SPNS2: variants seen among roughly 807,000 people sequenced by gnomAD.
SPNS2 encodes sphingosine-1-phosphate transporter SPNS2.
SPNS2 carries 37 observed loss-of-function variants against 57.6 expected under a neutral mutation model. That is an observed-to-expected ratio of 0.64 (90% CI 0.49 to 0.85). The LOEUF (loss-of-function observed/expected upper bound fraction) is 0.85. Among genes scored for constraint, SPNS2 ranks in the 40% least tolerant of loss-of-function variants. The pLI, the probability that SPNS2 is intolerant of heterozygous loss-of-function variation, is 0.00. For missense variants in SPNS2, 831 were observed against 779.1 expected, an observed-to-expected ratio of 1.07 and a Z score of -0.79; for synonymous variants, 440 against 346.9, an observed-to-expected ratio of 1.27 and a Z score of -2.98.
intron 1 of SPNS2, among the ~76,000 whole-genome samples, chr17:4,508,998 G>A (rs1597359487): frequency 6.6e-6 from 1 of 152,198 alleles, no homozygotes; most frequent in East Asian, 1.9e-4. Context: ...AGGGGCTGGA[G>A]GCAGGGAGTC....
intron 11 of SPNS2, 39 bp downstream of exon 11, chr17:4,536,465 G>C: frequency 6.4e-7 from 1 of 1,574,360 alleles, no homozygotes. Flanking sequence ...GCACCGCCGG[G>C]AAGCAGGGAC....
intron 2 of SPNS2, among the ~76,000 whole-genome samples, chr17:4,516,196 C>A (rs1443189658): frequency 6.6e-6 from 1 of 151,976 alleles, no homozygotes; most frequent in South Asian, 2.1e-4. Context: ...TGCCTGTAAT[C>A]CCAGCTACTC....
At position 4,525,043 on chromosome 17, in the gene SPNS2, T is replaced by C. The variant is rs1445095974; in HGVS notation, c.437-14T>C. ...GGGACCTGGGCCCCCCCTCAAGCTC[T>C]CCTCTCCCTGCAGTGTTCATCTGTA... On this transcript the variant is annotated splice_polypyrimidine_tract_variant and intron_variant, in intron 2 of 12. Coordinates refer to ENST00000329078, the MANE Select transcript of SPNS2 (RefSeq NM_001124758.3). 1 of 1,611,642 alleles carries C rather than the reference T, an allele frequency of 6.2e-7. No homozygotes were observed. The highest frequency in any genetic ancestry group is 8.5e-7 in the Non-Finnish European group (1 of 1,178,014).
rs555154282 is a variant in SPNS2 at position 4,504,210 on chromosome 17, C to T, written c.370+4793C>T. Among the ~76,000 whole-genome samples, 13 of 152,292 alleles carry T rather than the reference C, an allele frequency of 8.5e-5. No homozygotes were observed. The East Asian group carries it at 1.9e-3, about 23-fold the overall frequency. ...TGTCCTGGCCACTGCCACATCTGCA[C>T]CGTGGAGAAACCCCAGCTGAGGTGT... is the stretch of plus-strand genomic sequence containing the variant. On this transcript the variant is annotated intron_variant, in intron 1 of 12. Coordinates refer to ENST00000329078, the MANE Select transcript of SPNS2 (RefSeq NM_001124758.3).
At chr17:4,514,872 A>T (rs1258480726) in intron 2 of SPNS2, among the ~76,000 whole-genome samples, 3 of 152,182 alleles carry the variant, frequency 2.0e-5, no homozygotes, top group Non-Finnish European at 4.4e-5. Flanking sequence ...GGGTGGGAGA[A>T]GGCCTAGCTG....
At position 4,499,373 on chromosome 17, in the gene SPNS2, G is replaced by T. The variant is rs777152517; in HGVS notation, c.326G>T (p.Ser109Ile). 7.1e-7 allele frequency: 1 copy of T among 1,413,152 alleles called. No individual in the cohort carries two copies. The highest frequency in any genetic ancestry group is 9.2e-7 in the Non-Finnish European group (1 of 1,087,244). 87.5% of individuals were successfully genotyped at this position (1,413,152 alleles called of 1,614,324 possible). ...RGRGAAAAIL[S>I]LGNVLNYLDR... ...CGGGGGGCAGCCGCCGCCATCCTCA[G>T]CTTGGGCAACGTGCTCAACTACCTG... Residue 109 changes from serine to isoleucine, a missense_variant, in exon 1 of 13, where the codon AGC becomes ATC. By Grantham distance (142) the Ser-to-Ile change is moderately radical. Around this residue, in one of 2 missense-constraint regions of SPNS2, gnomAD observed 305 missense variants for 378.3 expected, o/e 0.81. Coordinates refer to ENST00000329078, the MANE Select transcript of SPNS2 (RefSeq NM_001124758.3). The surrounding 1 kb of genome is among the most constrained non-coding windows in gnomAD (Gnocchi z 5.2).
In SPNS2 at chr17:4,537,643, T is replaced by G. The variant is rs541083589; in HGVS notation, c.*195T>G. ...TGTGTCCTCAGTTACCCTGGAAGGA[T>G]GTGTGTGTTGGAGCCACACGGTTGG... On this transcript the variant is annotated 3_prime_UTR_variant, in exon 13 of 13. Coordinates refer to ENST00000329078, the MANE Select transcript of SPNS2 (RefSeq NM_001124758.3). 75 of 456,664 alleles carry G rather than the reference T, an allele frequency of 1.6e-4. No individual in the cohort carries two copies. Among genetic ancestry groups the G allele is most frequent in the African/African-American group, 1.4e-3 (70 of 50,192 alleles). The allele number at this position is 456,664 out of a possible 1,614,324, so 28.3% of individuals were successfully genotyped here.
intron 3 of SPNS2, among the ~76,000 whole-genome samples, chr17:4,526,228 G>A (rs1474980620): frequency 1.3e-5 from 2 of 152,238 alleles, no homozygotes; most frequent in African/African-American, 4.8e-5. Context: ...AGGCAGGACT[G>A]TGAGATCAGG....
chr17:4,513,423 G>A, intron 2 of SPNS2, 111 bp downstream of exon 2: 8 of 1,157,958 alleles, frequency 6.9e-6, no homozygotes, highest in Non-Finnish European at 1.0e-5. Flanking sequence ...CTGACTCCTG[G>A]AAAGAGAGTG....
Position 4,538,970 on chromosome 17 carries a change from C to G in SPNS2, c.*1522C>G, listed in dbSNP as rs768370012. The G allele has an allele frequency of 4.4e-5, 35 of 790,596 alleles. No individual in the cohort carries two copies. The highest frequency in any genetic ancestry group is 8.2e-5 in the Non-Finnish European group (35 of 426,966). The allele number at this position is 790,596 out of a possible 1,614,324, so 49.0% of individuals were successfully genotyped here. ...TTTTAGAGCTGCTGATTGTGAATCT[C>G]AGAGTCTTAAGAGAGAAGCCAAATA... On this transcript the variant is annotated 3_prime_UTR_variant, in exon 13 of 13. Transcript: ENST00000329078.
intron 9 of SPNS2, 22 bp from the exon 10 acceptor site, chr17:4,536,054 G>C (rs1905770898): frequency 1.2e-6 from 2 of 1,603,776 alleles, no homozygotes; most frequent in East Asian, 2.2e-5. Flanking sequence ...TCTGGCCGCT[G>C]ACCTGCCCGC....
chr17:4,502,200 A>C (rs1045262037), intron 1 of SPNS2, among the ~76,000 whole-genome samples: 1 of 150,816 alleles, frequency 6.6e-6, no homozygotes, highest in African/African-American at 2.4e-5. Context: ...ACATGGTGAA[A>C]CCCCCCATCT....
chr17:4,534,882 A>G lies in SPNS2; in HGVS notation c.1344+1029A>G, dbSNP rs115404296. ...GACCCCCTCTCCTGCCTCCACCCCCAGGGAGCGCCTGACAGCTGCCGGCAG... is the reference window on the plus strand; with the variant it reads ...GACCCCCTCTCCTGCCTCCACCCCCGGGGAGCGCCTGACAGCTGCCGGCAG... On this transcript the variant is annotated intron_variant, in intron 9 of 12. Transcript: ENST00000329078. 8.4e-3 allele frequency among the ~76,000 whole-genome samples: 1,283 copies of G among 152,164 alleles called. 16 individuals are homozygous for G. Among genetic ancestry groups the G allele is most frequent in the African/African-American group, 0.03 (1,227 of 41,512 alleles).
At chr17:4,514,597 C>T (rs569533387) in intron 2 of SPNS2, among the ~76,000 whole-genome samples, 4 of 152,292 alleles carry the variant, frequency 2.6e-5, no homozygotes, top group African/African-American at 7.2e-5. Context: ...GGGGCAGGGC[C>T]GTGCGGTCCA....
At chr17:4,501,093 A>T (rs993707906) in intron 1 of SPNS2, among the ~76,000 whole-genome samples, 1 of 152,212 alleles carries the variant, frequency 6.6e-6, no homozygotes, top group Non-Finnish European at 1.5e-5. Context: ...TAGGGGGACC[A>T]ATGTCCCTGT....
chr17:4,503,701 C>A (rs759124683), intron 1 of SPNS2, among the ~76,000 whole-genome samples: 5 of 152,258 alleles, frequency 3.3e-5, no homozygotes, highest in Admixed American at 6.5e-5. Context: ...GACCTATTTT[C>A]TTTCCCTTTG....
intron 8 of SPNS2, 55 bp from the exon 9 acceptor site, chr17:4,533,731 CTG>C (rs1261504083): frequency 8.8e-6 from 14 of 1,588,398 alleles, no homozygotes; most frequent in African/African-American, 2.7e-5. Context: ...GGAACAGAGA[CTG>C]TGGTTGCTGC....
intron 1 of SPNS2, among the ~76,000 whole-genome samples, chr17:4,508,866 A>G (rs1034286193): frequency 1.3e-5 from 2 of 152,130 alleles, no homozygotes; most frequent in African/African-American, 4.8e-5. Context: ...CCACAGCGTT[A>G]GCTCCTTGAG....
chr17:4,503,997 T>TTTC (rs1555535367), intron 1 of SPNS2, among the ~76,000 whole-genome samples: 1 of 150,590 alleles, frequency 6.6e-6, no homozygotes, highest in Non-Finnish European at 1.5e-5. Flanking sequence ...TTTTTTTTTT[T>TTTC]GGTCTGTCCT....
Sources: allele counts gnomAD v4.1 joint callset (sites outside exome capture counted in the v4.1 genomes callset), GRCh38; gene constraint gnomAD v4.1.1; regional missense constraint gnomAD v4.1.1; non-coding constraint Gnocchi (gnomAD v3.1); transcripts MANE v1.5; gene names NCBI Gene and HGNC (gene_info 2026-07-23, HGNC 2026-07-21).